COL24A1: variants seen among roughly 807,000 people sequenced by gnomAD.
The protein encoded by COL24A1 is collagen alpha-1(XXIV) chain.
A neutral mutation model predicts 253.9 loss-of-function variants in COL24A1; 224 were observed. The observed-to-expected ratio is 0.88, with a 90% CI of 0.79 to 0.99. The LOEUF (loss-of-function observed/expected upper bound fraction) is 0.99. Ranked by LOEUF, COL24A1 falls within the 50% of genes least tolerant of loss-of-function variation. COL24A1 has a pLI of 0.00. For missense variants in COL24A1, 2,131 were observed against 2,068.5 expected (o/e 1.03, Z -0.59); for synonymous variants, 685 against 673.7 (o/e 1.02, Z -0.26).
chr1:86,089,284 T>C, intron 6 of COL24A1, 57 bp from the exon 7 acceptor site: 3 of 1,346,502 alleles, frequency 2.2e-6, no homozygotes, highest in Non-Finnish European at 3.1e-6. Context: ...ATTAGAATTC[T>C]CTTGAAAATT....
intron 55 of COL24A1, among the ~76,000 whole-genome samples, chr1:85,756,515 G>A (rs1167430756): frequency 6.6e-6 from 1 of 152,070 alleles, no homozygotes; most frequent in African/African-American, 2.4e-5. Context: ...ATGAGATACC[G>A]CTTCATAACC....
intron 10 of COL24A1, among the ~76,000 whole-genome samples, chr1:86,054,577 A>G (rs1700539006): frequency 6.6e-6 from 1 of 152,174 alleles, no homozygotes; most frequent in Non-Finnish European, 1.5e-5. Flanking sequence ...GATTCAAATC[A>G]AAACCACAAG....
chr1:86,121,751 C>T (rs2102237466), intron 3 of COL24A1, among the ~76,000 whole-genome samples: 1 of 152,132 alleles, frequency 6.6e-6, no homozygotes, highest in East Asian at 1.9e-4. Flanking sequence ...TGACATTTAA[C>T]ATATGCAAAC....
intron 53 of COL24A1, among the ~76,000 whole-genome samples, chr1:85,763,743 C>A (rs566936024): frequency 6.6e-6 from 1 of 151,956 alleles, no homozygotes; most frequent in African/African-American, 2.4e-5. Context: ...GATCCACCTG[C>A]GTTGGCCTCC....
At chr1:85,972,581 T>C (rs1016638499) in intron 20 of COL24A1, among the ~76,000 whole-genome samples, 2 of 152,166 alleles carry the variant, frequency 1.3e-5, no homozygotes, top group Non-Finnish European at 2.9e-5. Context: ...TGTATGTTAA[T>C]CCTTTTTCAG....
At chr1:85,923,621 A>G (rs901328773) in intron 24 of COL24A1, among the ~76,000 whole-genome samples, 6 of 152,228 alleles carry the variant, frequency 3.9e-5, no homozygotes, top group Non-Finnish European at 5.9e-5. Flanking sequence ...TTTGAAACCA[A>G]TGAGAACAAA....
chr1:86,027,367 G>A (rs1698132273), intron 14 of COL24A1, among the ~76,000 whole-genome samples: 1 of 152,086 alleles, frequency 6.6e-6, no homozygotes, highest in Non-Finnish European at 1.5e-5. Context: ...AGGCCCAGAG[G>A]CCTAGGAGAA....
In COL24A1 at chr1:85,823,708, C is replaced by T; in HGVS notation, c.3712G>A (p.Ala1238Thr). Residue 1238 changes from alanine (A) to threonine (T), a missense_variant, in exon 44 of 60, where the codon GCC (alanine) becomes ACC (threonine). Physicochemically the swap from Ala to Thr is moderately conservative, Grantham distance 58. Transcript: ENST00000370571. ...GHVGVPGLRG[A>T]TGQQGPPGEP... is the part of the protein sequence containing the mutation. Reference sequence around the variant, plus strand: ...ACTGGGGGTCCTTGTTGTCCAGTGGCACCTCTTAGTCCTGGTACACCCACA... The same window carrying T: ...ACTGGGGGTCCTTGTTGTCCAGTGGTACCTCTTAGTCCTGGTACACCCACA... 1.2e-6 allele frequency: 2 copies of T among 1,613,832 alleles called. No homozygotes were observed. Among genetic ancestry groups the T allele is most frequent in the Non-Finnish European group, 1.7e-6 (2 of 1,179,854 alleles).
At chr1:85,736,625 T>C in intron 58 of COL24A1, 1 of 389,626 alleles carries the variant, frequency 2.6e-6, no homozygotes, top group Non-Finnish European at 5.1e-6. Context: ...GAGAGGGCGG[T>C]TCAATAAGAA....
At chr1:85,873,807 T>G (rs1680818456) in intron 35 of COL24A1, among the ~76,000 whole-genome samples, 1 of 148,210 alleles carries the variant, frequency 6.7e-6, no homozygotes, top group South Asian at 2.3e-4. Flanking sequence ...TGTGCACATG[T>G]ACCCTAGAAC....
At chr1:85,955,413 C>T (rs932271428) in intron 24 of COL24A1, among the ~76,000 whole-genome samples, 3 of 146,480 alleles carry the variant, frequency 2.0e-5, no homozygotes, top group Admixed American at 6.9e-5. Context: ...TCTGTCTTTG[C>T]GATAAGGCAG....
In COL24A1 at chr1:86,101,060, C is replaced by A. The variant is rs116041613; in HGVS notation, c.1600-8740G>T. On this transcript the variant is annotated intron_variant, in intron 5 of 59. Transcript: ENST00000370571. ...AGCAGAAGTGTGCGTCTGGGCATCTCATTTTTGTCTGGCATCTGAAGTGTG... is the reference window on the plus strand; with the variant it reads ...AGCAGAAGTGTGCGTCTGGGCATCTAATTTTTGTCTGGCATCTGAAGTGTG... Among the ~76,000 whole-genome samples the A allele has an allele frequency of 7.6e-3, 1,160 of 152,122 alleles. 14 individuals carry two copies. Among genetic ancestry groups the A allele is most frequent in the African/African-American group, 0.026 (1,094 of 41,504 alleles).
intron 35 of COL24A1, among the ~76,000 whole-genome samples, chr1:85,871,063 C>T (rs929657950): frequency 6.6e-5 from 10 of 152,082 alleles, no homozygotes; most frequent in Admixed American, 2.6e-4. Context: ...GAGAATACTA[C>T]AAACACCCCT....
intron 52 of COL24A1, among the ~76,000 whole-genome samples, chr1:85,776,377 G>A (rs544676679): frequency 1.0e-3 from 156 of 152,028 alleles, no homozygotes; most frequent in Non-Finnish European, 1.7e-3. Flanking sequence ...TTTGGTGAAC[G>A]TTCCATATGC....
intron 47 of COL24A1, among the ~76,000 whole-genome samples, chr1:85,816,460 T>C (rs1673047923): frequency 1.3e-5 from 2 of 152,218 alleles, no homozygotes; most frequent in East Asian, 1.9e-4. Context: ...CAAAGGTGGC[T>C]TAAAACATTT....
chr1:86,091,216 T>C (rs1703468429), intron 6 of COL24A1, among the ~76,000 whole-genome samples: 1 of 152,046 alleles, frequency 6.6e-6, no homozygotes, highest in South Asian at 2.1e-4. Context: ...TACTAAAATT[T>C]TAGATTTAAA....
At chr1:85,943,780 C>T (rs777531280) in intron 24 of COL24A1, among the ~76,000 whole-genome samples, 1 of 152,190 alleles carries the variant, frequency 6.6e-6, no homozygotes, top group Non-Finnish European at 1.5e-5. Context: ...AGAAATCTGT[C>T]CTTCCAAATT....
chr1:85,923,696 T>C (rs1354636339), intron 24 of COL24A1, among the ~76,000 whole-genome samples: 1 of 152,112 alleles, frequency 6.6e-6, no homozygotes, highest in Non-Finnish European at 1.5e-5. Flanking sequence ...TTTAGAGCAC[T>C]AAATGCCCAC....
rs776524068 is a variant in COL24A1 at position 85,971,390 on chromosome 1, G to C, written c.2368C>G (p.Leu790Val). Residue 790 changes from leucine (L) to valine (V), a missense_variant, in exon 21 of 60, where the codon CTC (leucine) becomes GTC (valine). Transcript: ENST00000370571. ...GQNGPEGPKG[L>V]LGNRGPPGPP... ...CCAGGAGGTCCTCTATTTCCAAGGA[G>C]TCCCTATAAAAGCAATATAAATGCA... 6.2e-7 allele frequency: 1 copy of C among 1,610,564 alleles called. No homozygotes were observed. Among genetic ancestry groups the C allele is most frequent in the Non-Finnish European group, 8.5e-7 (1 of 1,178,186 alleles).
Sources: allele counts gnomAD v4.1 joint callset (sites outside exome capture counted in the v4.1 genomes callset), GRCh38; gene constraint gnomAD v4.1.1; transcripts MANE v1.5; gene names NCBI Gene and HGNC (gene_info 2026-07-23, HGNC 2026-07-21).